Variants in ROBO2 observed in about 807,000 individuals in gnomAD.
ROBO2 encodes the protein roundabout homolog 2.
Under a neutral mutation model 160.8 loss-of-function variants are expected in ROBO2, and 53 were observed. The ratio of observed to expected loss-of-function variants is 0.33; its 90% CI spans 0.26 to 0.41. ROBO2 has a LOEUF of 0.41. Ranked by LOEUF, ROBO2 falls within the 10% of genes least tolerant of loss-of-function variation. The pLI is 1.00. For missense variants in ROBO2, 1,577 were observed against 1,722.4 expected, an observed-to-expected ratio of 0.92 and a Z score of 1.49; for synonymous variants, 664 against 611.7, an observed-to-expected ratio of 1.09 and a Z score of -1.26.
chr3:76,457,862 C>T (rs1028196648), intron 2 of ROBO2, among the ~76,000 whole-genome samples: 7 of 152,168 alleles, frequency 4.6e-5, no homozygotes, highest in Non-Finnish European at 1.0e-4. Flanking sequence ...CCAAGCTGTA[C>T]CTTGGCCCCT....
chr3:76,716,548 T>C (rs542373956), intron 2 of ROBO2, among the ~76,000 whole-genome samples: 1 of 152,060 alleles, frequency 6.6e-6, no homozygotes, highest in East Asian at 1.9e-4. Flanking sequence ...TAGATTGTTA[T>C]ATATATCAGA....
intron 2 of ROBO2, among the ~76,000 whole-genome samples, chr3:76,091,511 C>T (rs552508789): frequency 3.2e-4 from 49 of 152,122 alleles, no homozygotes; most frequent in African/African-American, 9.9e-4. Context: ...TTTGGAAGAC[C>T]GTTTTGCACT....
chr3:75,954,460 C>G (rs1948657850), intron 2 of ROBO2, among the ~76,000 whole-genome samples: 1 of 151,860 alleles, frequency 6.6e-6, no homozygotes, highest in African/African-American at 2.4e-5. Context: ...CCCTTCAACT[C>G]CTACTGCTTC....
At chr3:76,853,416 G>A (rs1042619188) in intron 2 of ROBO2, among the ~76,000 whole-genome samples, 3 of 152,014 alleles carry the variant, frequency 2.0e-5, no homozygotes, top group African/African-American at 7.2e-5. Context: ...TATATGGTTT[G>A]AGGTGGAGAG....
intron 2 of ROBO2, among the ~76,000 whole-genome samples, chr3:76,288,782 C>T (rs1365187140): frequency 6.6e-6 from 1 of 152,042 alleles, no homozygotes; most frequent in African/African-American, 2.4e-5. Flanking sequence ...AGGATAGGGG[C>T]CTCCCAGCTC....
chr3:76,089,216 C>G (rs1559902533), intron 2 of ROBO2, among the ~76,000 whole-genome samples: 1 of 152,012 alleles, frequency 6.6e-6, no homozygotes, highest in African/African-American at 2.4e-5. Context: ...ATAGAAAATA[C>G]CAGACCCAGA....
chr3:77,057,640 G>A (rs569874129), intron 1 of ROBO2, among the ~76,000 whole-genome samples: 65 of 129,986 alleles, frequency 5.0e-4, no homozygotes, highest in African/African-American at 1.7e-3. Flanking sequence ...GCATGATCTC[G>A]GCTCACTGCA....
chr3:76,745,780 A>AT (rs1029451685), intron 2 of ROBO2, among the ~76,000 whole-genome samples: 2 of 147,508 alleles, frequency 1.4e-5, no homozygotes, highest in Admixed American at 1.4e-4. Flanking sequence ...TACTCAAATA[A>AT]TTTTTTTAAA....
chr3:77,428,337 A>ATTTTTTTTTTTTTTTTTTTTTTTTTTTT, intron 2 of ROBO2, among the ~76,000 whole-genome samples: 1 of 128,224 alleles, frequency 7.8e-6, no homozygotes, highest in Non-Finnish European at 1.6e-5. Context: ...AACTTAGGTA[A>ATTTTTTTTTTTTTTTTTTTTTTTTTTTT]TATTTTTTTT....
At chr3:77,513,874 C>G (rs2089700562) in intron 5 of ROBO2, among the ~76,000 whole-genome samples, 1 of 151,612 alleles carries the variant, frequency 6.6e-6, no homozygotes, top group Non-Finnish European at 1.5e-5. Flanking sequence ...TGTTTCATAT[C>G]AGAAAAAATA....
intron 2 of ROBO2, among the ~76,000 whole-genome samples, chr3:76,364,659 A>C (rs1030247685): frequency 6.6e-6 from 1 of 151,966 alleles, no homozygotes; most frequent in African/African-American, 2.4e-5. Flanking sequence ...GAAATATCTG[A>C]TTTTTCACAT....
intron 2 of ROBO2, among the ~76,000 whole-genome samples, chr3:76,655,807 G>A (rs73120458): frequency 0.075 from 11,289 of 150,996 alleles, 429 homozygotes; most frequent in Non-Finnish European, 0.093. Context: ...ATCATTCCCA[G>A]TTTTTGGAAT....
intron 2 of ROBO2, among the ~76,000 whole-genome samples, chr3:76,277,157 A>C (rs1707973645): frequency 6.6e-6 from 1 of 152,058 alleles, no homozygotes; most frequent in Non-Finnish European, 1.5e-5. Context: ...ACCAATAAGC[A>C]ATTCTTTTTT....
intron 2 of ROBO2, among the ~76,000 whole-genome samples, chr3:77,105,267 C>G (rs539899121): frequency 6.6e-6 from 1 of 152,316 alleles, no homozygotes; most frequent in South Asian, 2.1e-4. Flanking sequence ...AACTTAAATG[C>G]AAACTCCGTG....
At chr3:76,518,514 C>T (rs1018906739) in intron 2 of ROBO2, among the ~76,000 whole-genome samples, 2 of 152,090 alleles carry the variant, frequency 1.3e-5, no homozygotes, top group Admixed American at 1.3e-4. Flanking sequence ...CAACATTTTT[C>T]ACTCACTTCT....
chr3:77,058,817 G>A (rs1334702335), intron 1 of ROBO2, among the ~76,000 whole-genome samples: 1 of 151,948 alleles, frequency 6.6e-6, no homozygotes, highest in African/African-American at 2.4e-5. Flanking sequence ...GGATTACAGA[G>A]GCAAGCCGCC....
intron 2 of ROBO2, among the ~76,000 whole-genome samples, chr3:76,981,532 T>C (rs2149328866): frequency 6.6e-6 from 1 of 152,360 alleles, no homozygotes; most frequent in Middle Eastern, 3.4e-3. Context: ...ATTATTGAGT[T>C]AAAATATTTC....
At chr3:77,588,861 G>T (rs1244478882) in exon 17 of ROBO2, 1 of 1,613,494 alleles carries the variant, frequency 6.2e-7, no homozygotes, top group Non-Finnish European at 8.5e-7. Flanking sequence ...TGCCTGCTGG[G>T]TAATTCTGAT....
chr3:76,323,138 T>TACACACACACACACACACACACAC lies in ROBO2; in HGVS notation c.109+385551_109+385574dup, dbSNP rs71874425. Among the ~76,000 whole-genome samples, 254 of 144,034 alleles carry TACACACACACACACACACACACAC rather than the reference T, an allele frequency of 1.8e-3. 1 individual carries two copies. Among genetic ancestry groups the TACACACACACACACACACACACAC allele is most frequent in the Admixed American group, 3.8e-3 (54 of 14,364 alleles). The allele number at this position is 144,034 out of a possible 152,430, so 94.5% of individuals were successfully genotyped here. Reference sequence around the variant, plus strand: ...CAAATCTTTTACTTATTGTTAGTATTACACACACACACACACACACACACA... The same window carrying TACACACACACACACACACACACAC: ...CAAATCTTTTACTTATTGTTAGTATTACACACACACACACACACACACACACACACACACACACACACACACACA... On this transcript the variant is annotated intron_variant, in intron 2 of 26. Coordinates refer to the ROBO2 transcript ENST00000487694.
Sources: allele counts gnomAD v4.1 joint callset (sites outside exome capture counted in the v4.1 genomes callset), GRCh38; gene constraint gnomAD v4.1.1; transcripts MANE v1.5; gene names NCBI Gene and HGNC (gene_info 2026-07-23, HGNC 2026-07-21).